Variants in CDH18 observed in about 807,000 individuals in gnomAD.
CDH18 encodes cadherin-18.
Under a neutral mutation model 67.9 loss-of-function variants are expected in CDH18, and 31 were observed. The ratio of observed to expected loss-of-function variants is 0.46; its 90% CI spans 0.34 to 0.62. The LOEUF is 0.62. Among genes scored for constraint, CDH18 ranks in the 20% least tolerant of loss-of-function variants. CDH18 has a pLI of 0.01. For synonymous variants in CDH18, 362 were observed against 347.2 expected (o/e 1.04, Z -0.48); for missense variants, 890 against 975.5 (o/e 0.91, Z 1.17).
intron 8 of CDH18, among the ~76,000 whole-genome samples, chr5:19,550,434 C>T (rs184647524): frequency 6.6e-6 from 1 of 151,324 alleles, no homozygotes; most frequent in Admixed American, 6.6e-5. Flanking sequence ...CCACAACAGT[C>T]CCCGGTATGT....
chr5:20,432,869 A>G (rs993182358), intron 1 of CDH18, among the ~76,000 whole-genome samples: 4 of 150,992 alleles, frequency 2.6e-5, no homozygotes, highest in African/African-American at 9.7e-5. Flanking sequence ...TAAAAGTGAC[A>G]TATTAAGTGT....
intron 10 of CDH18, among the ~76,000 whole-genome samples, chr5:19,507,560 A>G (rs546668030): frequency 5.7e-4 from 87 of 152,226 alleles, no homozygotes; most frequent in African/African-American, 2.0e-3. Flanking sequence ...ATACACCATG[A>G]AATACTATGC....
chr5:20,063,493 A>G (rs112373079), intron 2 of CDH18, among the ~76,000 whole-genome samples: 3,952 of 152,194 alleles, frequency 0.026, 74 homozygotes, highest in Middle Eastern at 0.068. Flanking sequence ...TCAACATTGC[A>G]CCCTGGTCCA....
intron 1 of CDH18, among the ~76,000 whole-genome samples, chr5:20,515,217 T>C (rs539961561): frequency 6.6e-6 from 1 of 150,962 alleles, no homozygotes; most frequent in East Asian, 2.0e-4. Context: ...CAAATGTAAA[T>C]AGTATTTTGT....
intron 1 of CDH18, among the ~76,000 whole-genome samples, chr5:20,257,499 G>T (rs1009959913): frequency 6.6e-6 from 1 of 151,984 alleles, no homozygotes; most frequent in South Asian, 2.1e-4. Flanking sequence ...GCTATCACAG[G>T]ATAAGCAGCA....
chr5:19,735,059 G>T (rs1472719356), intron 4 of CDH18, among the ~76,000 whole-genome samples: 1 of 152,158 alleles, frequency 6.6e-6, no homozygotes, highest in East Asian at 1.9e-4. Context: ...CATAACACAG[G>T]TGAGTGTTTG....
At chr5:19,661,045 C>CAAAG (rs1757096776) in intron 5 of CDH18, among the ~76,000 whole-genome samples, 1 of 150,244 alleles carries the variant, frequency 6.7e-6, no homozygotes, top group Non-Finnish European at 1.5e-5. Context: ...ACCAACCAAT[C>CAAAG]AAAGAAAGAA....
Position 19,967,053 on chromosome 5 carries a change from A to G in CDH18, c.-257+14007T>C, listed in dbSNP as rs578125873. On this transcript the variant is annotated intron_variant, in intron 2 of 12. Transcript: ENST00000382275. ...ACATAAAAAAGAAAATAATAATGTC[A>G]TATTTATTCTGAAGCAGTATGCACT... 2.1e-3 allele frequency among the ~76,000 whole-genome samples: 313 copies of G among 152,072 alleles called. 2 individuals carry two copies. The highest frequency in any genetic ancestry group is 7.1e-3 in the African/African-American group (293 of 41,554).
At chr5:19,621,998 A>G (rs1750793185) in intron 5 of CDH18, among the ~76,000 whole-genome samples, 1 of 152,302 alleles carries the variant, frequency 6.6e-6, no homozygotes, top group Middle Eastern at 3.4e-3. Context: ...TCATTCACAC[A>G]TTTGTCTTAA....
At chr5:19,671,050 G>C (rs923240582) in intron 5 of CDH18, among the ~76,000 whole-genome samples, 9 of 152,050 alleles carry the variant, frequency 5.9e-5, no homozygotes, top group African/African-American at 2.2e-4. Flanking sequence ...TATGTATGTA[G>C]AGATAAGTAG....
chr5:19,799,374 C>T (rs990977410), intron 3 of CDH18, among the ~76,000 whole-genome samples: 5 of 151,042 alleles, frequency 3.3e-5, no homozygotes, highest in African/African-American at 4.9e-5. Flanking sequence ...CTATAGTTAA[C>T]AATATGGTAT....
chr5:20,568,049 G>A (rs1334587382), intron 1 of CDH18, among the ~76,000 whole-genome samples: 2 of 152,148 alleles, frequency 1.3e-5, no homozygotes, highest in African/African-American at 4.8e-5. Flanking sequence ...GATTTTGTCA[G>A]TCATTCTTCT....
intron 3 of CDH18, among the ~76,000 whole-genome samples, chr5:19,754,549 G>A (rs920987519): frequency 1.3e-5 from 2 of 152,052 alleles, no homozygotes; most frequent in African/African-American, 4.8e-5. Flanking sequence ...GAGACAGACA[G>A]TAACACAAGA....
intron 8 of CDH18, among the ~76,000 whole-genome samples, chr5:19,563,448 C>G (rs995720463): frequency 6.6e-6 from 1 of 152,176 alleles, no homozygotes; most frequent in African/African-American, 2.4e-5. Flanking sequence ...ATTTAACAGT[C>G]ATGTGTCATA....
At chr5:20,145,821 C>A (rs1229768848) in intron 2 of CDH18, among the ~76,000 whole-genome samples, 1 of 152,108 alleles carries the variant, frequency 6.6e-6, no homozygotes, top group Admixed American at 6.6e-5. Context: ...CTTCATATAC[C>A]ATCTGGAGTG....
intron 11 of CDH18, among the ~76,000 whole-genome samples, chr5:19,490,394 G>GTTTTTTTTTTTTTTTTTTTTTTT (rs70950073): frequency 1.7e-5 from 1 of 60,210 alleles, no homozygotes; most frequent in Non-Finnish European, 3.0e-5. Flanking sequence ...ATAAAAATCT[G>GTTTTTTTTTTTTTTTTTTTTTTT]TTTTTTTTTT....
At chr5:19,948,160 T>C (rs577977726) in intron 2 of CDH18, among the ~76,000 whole-genome samples, 1 of 152,304 alleles carries the variant, frequency 6.6e-6, no homozygotes, top group South Asian at 2.1e-4. Context: ...CATGTGTTAC[T>C]GGTACAAATG....
intron 2 of CDH18, among the ~76,000 whole-genome samples, chr5:19,840,288 G>GAAAA: frequency 7.8e-6 from 1 of 128,056 alleles, no homozygotes; most frequent in Non-Finnish European, 1.6e-5. Flanking sequence ...AAAAAAAAAA[G>GAAAA]AAAAAAAAAA....
intron 2 of CDH18, among the ~76,000 whole-genome samples, chr5:19,874,270 A>C (rs550814520): frequency 6.6e-6 from 1 of 152,322 alleles, no homozygotes; most frequent in East Asian, 1.9e-4. Flanking sequence ...CCTGTTCTGC[A>C]CATCACTGCA....
Sources: gnomAD v4.1 joint callset for allele counts (sites outside exome capture counted in the v4.1 genomes callset) on GRCh38, gnomAD v4.1.1 for gene constraint, MANE v1.5 for transcripts, NCBI Gene and HGNC (gene_info 2026-07-23, HGNC 2026-07-21) for gene names.